The following USP6NL variants were observed in gnomAD, a reference collection of about 807,000 sequenced individuals.
USP6NL encodes the protein USP6 N-terminal like.
In USP6NL, 26 loss-of-function variants were observed where a neutral mutation model predicts 61.9. The observed-to-expected ratio is 0.42, with a 90% CI of 0.31 to 0.58. USP6NL has a LOEUF of 0.58. Ranked by LOEUF, USP6NL falls within the 20% of genes least tolerant of loss-of-function variation. The pLI, the probability that USP6NL is intolerant of heterozygous loss-of-function variation, is 0.16. For synonymous variants in USP6NL, 432 were observed against 390.1 expected (o/e 1.11, Z -1.27); for missense variants, 1,114 against 1,034.3 (o/e 1.08, Z -1.06).
At chr10:11,504,452 G>A (rs1834350377) in intron 6 of USP6NL, among the ~76,000 whole-genome samples, 1 of 152,190 alleles carries the variant, frequency 6.6e-6, no homozygotes, top group African/African-American at 2.4e-5. Flanking sequence ...TAAAATGTAA[G>A]TAAAACAAGA....
intron 14 of USP6NL, among the ~76,000 whole-genome samples, chr10:11,466,255 AATAT>A (rs1291208396): frequency 6.6e-6 from 1 of 152,244 alleles, no homozygotes; most frequent in Non-Finnish European, 1.5e-5. Flanking sequence ...GAATTTAAGC[AATAT>A]TCTAGGTTTG....
rs1470653022 is a variant in USP6NL at position 11,510,136 on chromosome 10, C to T, written c.196-461G>A. Among the ~76,000 whole-genome samples the T allele has an allele frequency of 2.0e-5, 3 of 151,948 alleles. No individual in the cohort carries two copies. The highest frequency in any genetic ancestry group is 7.3e-5 in the African/African-American group (3 of 41,332). On this transcript the variant is annotated intron_variant, in intron 5 of 14. Coordinates refer to ENST00000609104, the MANE Select transcript of USP6NL (RefSeq NM_014688.5). The surrounding 1 kb of genome is among the most constrained non-coding windows in gnomAD (Gnocchi z 4.8). ...ATGGAAAGATTAATGTGTAAGTAGC[C>T]TTATGCTAGAGGGAAACTATTAAAA...
chr10:11,475,596 CAA>C (rs35589300), intron 14 of USP6NL, among the ~76,000 whole-genome samples: 1,517 of 38,590 alleles, frequency 0.039, 9 homozygotes, highest in Non-Finnish European at 0.057. Flanking sequence ...AACTCTGTCG[CAA>C]AAAAAAAAAA....
intron 2 of USP6NL, among the ~76,000 whole-genome samples, chr10:11,554,214 G>A (rs1836596687): frequency 6.6e-6 from 1 of 152,162 alleles, no homozygotes; most frequent in African/African-American, 2.4e-5. Context: ...CTGCTCAGAG[G>A]AAGCAAATTC....
At chr10:11,534,894 A>T (rs1835777233) in intron 2 of USP6NL, among the ~76,000 whole-genome samples, 1 of 152,022 alleles carries the variant, frequency 6.6e-6, no homozygotes, top group Non-Finnish European at 1.5e-5. Flanking sequence ...CTGCACACAC[A>T]CTCCCCACTC....
In USP6NL at chr10:11,562,330, C is replaced by T. The variant is rs1209817768; in HGVS notation, c.5-34763G>A. ...CTAGCAGCAGCCATGTGACACAGTT[C>T]CGGCTGATGGCTTAAGGAAAAGCTT... On this transcript the variant is annotated intron_variant, in intron 2 of 14. Coordinates refer to ENST00000609104, the MANE Select transcript of USP6NL (RefSeq NM_014688.5). This position sits in a 1 kb window ranked among gnomAD's most constrained non-coding sequence, Gnocchi z 4.8. 2 of 963,158 alleles carry T rather than the reference C, an allele frequency of 2.1e-6. No individual in the cohort carries two copies. Among genetic ancestry groups the T allele is most frequent in the Non-Finnish European group, 2.5e-6 (2 of 809,688 alleles). 59.7% of individuals were successfully genotyped at this position (963,158 alleles called of 1,614,324 possible).
chr10:11,463,734 C>T lies in USP6NL; in HGVS notation c.1194G>A (p.Leu398=). ...GQRSVGRPSP[L]ASGRRESGAP... ...CCCCGCTCTCCCTCCTGCCGCTGGC[C>T]AGCGGGCTCGGCCGGCCCACGCTCC... Residue 398 remains leucine, a synonymous_variant, in exon 15 of 15, where the codon CTG becomes CTA. Transcript: ENST00000609104. This position sits in a 1 kb window ranked among gnomAD's most constrained non-coding sequence, Gnocchi z 6.3. 1.2e-6 allele frequency: 2 copies of T among 1,605,008 alleles called. No individual in the cohort carries two copies. The highest frequency in any genetic ancestry group is 2.2e-5 in the South Asian group (2 of 90,192).
chr10:11,485,300 G>T lies in USP6NL; in HGVS notation c.760-66C>A. On this transcript the variant is annotated intron_variant, in intron 11 of 14. Transcript: ENST00000609104. This position sits in a 1 kb window ranked among gnomAD's most constrained non-coding sequence, Gnocchi z 4.8. ...ACTAAATTTAACAAAATAATACTAA[G>T]TTAGGAAGGCTGTTGGATGCAGCTA... is the stretch of plus-strand genomic sequence containing the variant. The T allele has an allele frequency of 7.6e-7, 1 of 1,311,976 alleles. No homozygotes were observed. 81.3% of individuals were successfully genotyped at this position (1,311,976 alleles called of 1,614,324 possible). A position where few individuals can be genotyped will look rare whatever the true frequency, so the allele number is the denominator to read the frequency against.
intron 2 of USP6NL, among the ~76,000 whole-genome samples, chr10:11,551,030 G>C (rs559747753): frequency 6.4e-4 from 98 of 152,218 alleles, no homozygotes; most frequent in African/African-American, 2.3e-3. Flanking sequence ...CAGCATGCGT[G>C]AAAATACAAA....
chr10:11,492,956 A>C (rs1833762715), intron 8 of USP6NL, among the ~76,000 whole-genome samples, 163 bp downstream of exon 8: 1 of 152,236 alleles, frequency 6.6e-6, no homozygotes, highest in African/African-American at 2.4e-5. Flanking sequence ...TTTAAGTTAA[A>C]TTAGATCTTA....
chr10:11,476,906 C>CT lies in USP6NL; in HGVS notation c.1078+4863dup, dbSNP rs1483413252. Among the ~76,000 whole-genome samples, 1 of 152,120 alleles carries CT rather than the reference C, an allele frequency of 6.6e-6. No individual in the cohort carries two copies. The highest frequency in any genetic ancestry group is 1.5e-5 in the Non-Finnish European group (1 of 68,026). ...TATTTTTTCAAGACGGAGTCTTGCT[C>CT]TGTCACCCAGGCTGAAGTGCAGTGG... On this transcript the variant is annotated intron_variant, in intron 14 of 14. Transcript: ENST00000609104. This position sits in a 1 kb window ranked among gnomAD's most constrained non-coding sequence, Gnocchi z 4.3.
At chr10:11,479,555 T>A (rs372656113) in intron 14 of USP6NL, among the ~76,000 whole-genome samples, 2 of 151,140 alleles carry the variant, frequency 1.3e-5, no homozygotes, top group African/African-American at 4.8e-5. Context: ...AGTGGCATGT[T>A]CATGTAGGTG....
At chr10:11,543,216 T>C (rs1367794436) in intron 2 of USP6NL, among the ~76,000 whole-genome samples, 3 of 152,102 alleles carry the variant, frequency 2.0e-5, no homozygotes, top group African/African-American at 7.2e-5. Context: ...TCTAATCACA[T>C]CCAAATATAT....
Position 11,480,676 on chromosome 10 carries a change from G to T in USP6NL, c.1078+1094C>A, listed in dbSNP as rs535625004. On this transcript the variant is annotated intron_variant, in intron 14 of 14. Transcript: ENST00000609104. Reference sequence around the variant, plus strand: ...TTAAGTAAATAAAAGCAAACATCTTGGTTTTTACCAAAAGGAAAAATGTAT... The same window carrying T: ...TTAAGTAAATAAAAGCAAACATCTTTGTTTTTACCAAAAGGAAAAATGTAT... Among the ~76,000 whole-genome samples the T allele has an allele frequency of 2.0e-5, 3 of 152,262 alleles. No homozygotes were observed. The South Asian group carries it at 6.2e-4, about 32-fold the overall frequency.
Position 11,535,418 on chromosome 10 carries a change from C to G in USP6NL, c.5-7851G>C, listed in dbSNP as rs534561619. 3.9e-5 allele frequency among the ~76,000 whole-genome samples: 6 copies of G among 152,204 alleles called. No homozygotes were observed. In the South Asian group the frequency reaches 1.0e-3, roughly 26 times the overall value. On this transcript the variant is annotated intron_variant, in intron 2 of 14. Coordinates refer to ENST00000609104, the MANE Select transcript of USP6NL (RefSeq NM_014688.5). The stretch of plus-strand genomic sequence containing the variant: ...ATCAACTTGCAGTGGGAGTTAAAGA[C>G]GAAGCACCATGCAATAAAGAGCTTA...
At chr10:11,483,546 G>T in intron 13 of USP6NL, among the ~76,000 whole-genome samples, 1 of 67,102 alleles carries the variant, frequency 1.5e-5, no homozygotes, top group Non-Finnish European at 3.1e-5. Context: ...GAGAGAGAGA[G>T]GGAGGGAGGG....
chr10:11,483,483 TG>T (rs1199984208), intron 13 of USP6NL, among the ~76,000 whole-genome samples: 40 of 28,012 alleles, frequency 1.4e-3, no homozygotes, highest in African/African-American at 4.0e-3. Context: ...AGAAAGAAAG[TG>T]GGGGGGGAGG....
chr10:11,568,640 T>G (rs371997156), intron 2 of USP6NL, among the ~76,000 whole-genome samples: 1 of 152,216 alleles, frequency 6.6e-6, no homozygotes, highest in South Asian at 2.1e-4. Context: ...TGACTACAAG[T>G]AAAAGGCCAA....
In USP6NL at chr10:11,585,664, AAAAT is replaced by A. The variant is rs1240133991; in HGVS notation, c.4+11963_4+11966del. Among the ~76,000 whole-genome samples, 1 of 152,240 alleles carries A rather than the reference AAAAT, an allele frequency of 6.6e-6. No individual in the cohort carries two copies. Among genetic ancestry groups the A allele is most frequent in the Non-Finnish European group, 1.5e-5 (1 of 68,040 alleles). ...GGAAACAGAGTGAGACTCCATCTCA[AAAAT>A]AAATAAATTAAATTAAATTGAATAA... On this transcript the variant is annotated intron_variant, in intron 2 of 14. Transcript: ENST00000609104. The surrounding 1 kb of genome is among the most constrained non-coding windows in gnomAD (Gnocchi z 4.5).
Sources: allele counts gnomAD v4.1 joint callset (sites outside exome capture counted in the v4.1 genomes callset), GRCh38; gene constraint gnomAD v4.1.1; non-coding constraint Gnocchi (gnomAD v3.1); transcripts MANE v1.5; gene names NCBI Gene and HGNC (gene_info 2026-07-23, HGNC 2026-07-21).